Variants in ZNF713 observed in about 807,000 individuals in gnomAD.
ZNF713 encodes zinc finger protein 713.
Under a neutral mutation model 28.7 loss-of-function variants are expected in ZNF713, and 21 were observed. The ratio of observed to expected loss-of-function variants is 0.73; its 90% confidence interval spans 0.52 to 1.05. The LOEUF (loss-of-function observed/expected upper bound fraction) is 1.05. Ranked by LOEUF, ZNF713 falls within the 50% of genes least tolerant of loss-of-function variation. The pLI, the probability that ZNF713 is intolerant of heterozygous loss-of-function variation, is 0.00. For missense variants in ZNF713, 458 were observed against 532.4 expected (o/e 0.86, Z 1.37); for synonymous variants, 167 against 178.0 (o/e 0.94, Z 0.49).
In ZNF713 at chr7:55,919,516, T is replaced by TTTG. The variant is rs1785950889; in HGVS notation, c.88-3644_88-3643insGTT. On this transcript the variant is annotated intron_variant, in intron 4 of 6. Coordinates refer to ENST00000429591, the MANE Select transcript of ZNF713 (RefSeq NM_182633.3). ...TTTTTTTTTTTTTTTTTTTTTTTTT[T>TTTG]TTTTTTTGAGATGAAGTCTTGCTCT... 1.3e-4 allele frequency among the ~76,000 whole-genome samples: 13 copies of TTTG among 99,380 alleles called. 1 individual carries two copies. The highest frequency in any genetic ancestry group is 2.0e-4 in the Non-Finnish European group (10 of 50,446). The allele number at this position is 99,380 out of a possible 152,430, so 65.2% of individuals were successfully genotyped here. A position where few individuals can be genotyped will look rare whatever the true frequency, so the allele number is the denominator to read the frequency against.
chr7:55,918,052 C>G (rs1562742938), intron 4 of ZNF713: 1 of 456,698 alleles, frequency 2.2e-6, no homozygotes, highest in Admixed American at 2.3e-5. Context: ...ATGTGGAGAT[C>G]TGTGTGCTCT....
chr7:55,895,546 G>C (rs773889956), intron 1 of ZNF713, among the ~76,000 whole-genome samples: 2 of 127,846 alleles, frequency 1.6e-5, no homozygotes, highest in Non-Finnish European at 3.1e-5. Flanking sequence ...TCGGCTCACT[G>C]TAACCTCCAT....
At chr7:55,893,902 T>C (rs1023572125) in intron 1 of ZNF713, among the ~76,000 whole-genome samples, 1 of 152,188 alleles carries the variant, frequency 6.6e-6, no homozygotes, top group Admixed American at 6.5e-5. Flanking sequence ...TTCTATGACC[T>C]GCCTTGGGGA....
chr7:55,937,690 G>A (rs768778222), intron 6 of ZNF713, among the ~76,000 whole-genome samples: 7 of 151,850 alleles, frequency 4.6e-5, no homozygotes, highest in Non-Finnish European at 8.8e-5. Flanking sequence ...ATTGCTTCAG[G>A]CCAAGAGTTC....
At chr7:55,914,015 G>A (rs1785835493) in intron 4 of ZNF713, among the ~76,000 whole-genome samples, 1 of 151,550 alleles carries the variant, frequency 6.6e-6, no homozygotes, top group Non-Finnish European at 1.5e-5. Context: ...GGAGGCTAAG[G>A]CAGGAGAACC....
In ZNF713 at chr7:55,939,827, C is replaced by T; in HGVS notation, c.1153C>T (p.Leu385=). ...CAAAGCCTTCAGTCAGAGGACACAT[C>T]TGAATCAACATGAAAGAACTCATAC... is the stretch of plus-strand genomic sequence containing the variant. ...CGKAFSQRTH[L]NQHERTHTGE... is the part of the protein sequence containing the mutation. The change falls in exon 7 of 7, where the codon CTG becomes TTG. Residue 385 remains leucine, a synonymous_variant. Transcript: ENST00000429591. 6.2e-7 allele frequency: 1 copy of T among 1,614,142 alleles called. No homozygotes were observed.
chr7:55,932,046 C>T (rs1049844010), intron 6 of ZNF713, among the ~76,000 whole-genome samples: 1 of 152,138 alleles, frequency 6.6e-6, no homozygotes, highest in Non-Finnish European at 1.5e-5. Flanking sequence ...GAAAGTGTTC[C>T]AGTTGATAGT....
At position 55,896,834 on chromosome 7, in the gene ZNF713, G is replaced by C. The variant is rs534519767; in HGVS notation, c.-583+9154G>C. 2.6e-5 allele frequency among the ~76,000 whole-genome samples: 4 copies of C among 152,126 alleles called. No individual in the cohort carries two copies. The South Asian group carries it at 8.3e-4, about 32-fold the overall frequency. ...TGGAGAAACGGTTGATTCCAGGGCTGGGCAGGAAAAATGCTAGAGCCTGAA... is the reference window on the plus strand; with the variant it reads ...TGGAGAAACGGTTGATTCCAGGGCTCGGCAGGAAAAATGCTAGAGCCTGAA... On this transcript the variant is annotated intron_variant, in intron 1 of 6. Coordinates refer to ENST00000429591, the MANE Select transcript of ZNF713 (RefSeq NM_182633.3).
chr7:55,887,887 G>GA (rs1269519268), intron 1 of ZNF713, among the ~76,000 whole-genome samples: 1,401 of 108,614 alleles, frequency 0.013, 396 homozygotes, highest in African/African-American at 0.048. Flanking sequence ...CGGCGGCGGC[G>GA]GGCGGCGGCG....
intron 1 of ZNF713, among the ~76,000 whole-genome samples, chr7:55,898,880 T>G (rs1394538831): frequency 1.3e-5 from 2 of 152,170 alleles, no homozygotes; most frequent in African/African-American, 2.4e-5. Flanking sequence ...CTGATCTTGA[T>G]GGATATGCAG....
intron 4 of ZNF713, among the ~76,000 whole-genome samples, chr7:55,919,498 T>TG (rs71015125): frequency 0.26 from 15,215 of 59,146 alleles, 1,564 homozygotes; most frequent in Middle Eastern, 0.36. Flanking sequence ...CAGTTTTTTT[T>TG]TTTTTTTTTT....
intron 1 of ZNF713, among the ~76,000 whole-genome samples, chr7:55,893,862 G>A (rs765937705): frequency 6.6e-6 from 1 of 152,148 alleles, no homozygotes; most frequent in Non-Finnish European, 1.5e-5. Context: ...TTACAGGCAT[G>A]AGCCACCACA....
intron 1 of ZNF713, among the ~76,000 whole-genome samples, chr7:55,889,452 G>GT (rs1223466840): frequency 2.0e-5 from 3 of 152,196 alleles, no homozygotes; most frequent in African/African-American, 7.2e-5. Context: ...ATACAGAAAA[G>GT]TTTAAAAAAA....
chr7:55,933,275 A>G (rs957260855), intron 6 of ZNF713, among the ~76,000 whole-genome samples: 3 of 152,088 alleles, frequency 2.0e-5, no homozygotes, highest in Non-Finnish European at 4.4e-5. Flanking sequence ...ATAAGGTCTT[A>G]AGGCCTACTT....
chr7:55,901,794 T>A (rs1785582944), intron 1 of ZNF713, among the ~76,000 whole-genome samples: 1 of 152,244 alleles, frequency 6.6e-6, no homozygotes, highest in Admixed American at 6.5e-5. Flanking sequence ...ACGTGTATGA[T>A]TTCACTGCAG....
intron 1 of ZNF713, among the ~76,000 whole-genome samples, chr7:55,892,364 T>C (rs542069059): frequency 6.8e-6 from 1 of 147,212 alleles, no homozygotes; most frequent in Admixed American, 6.8e-5. Flanking sequence ...GGAAGCTCAC[T>C]CAAGCTTGGT....
At chr7:55,932,667 G>C (rs1349103011) in intron 6 of ZNF713, among the ~76,000 whole-genome samples, 1 of 148,592 alleles carries the variant, frequency 6.7e-6, no homozygotes, top group Admixed American at 6.7e-5. Context: ...GGTGGATCAT[G>C]AGGTCAGGAG....
chr7:55,910,711 G>C (rs532546067), intron 2 of ZNF713, among the ~76,000 whole-genome samples: 82 of 152,184 alleles, frequency 5.4e-4, no homozygotes, highest in African/African-American at 1.9e-3. Flanking sequence ...GCCCTAGCTG[G>C]TCTCAAACTC....
rs1381678920 is a variant in ZNF713 at position 55,941,864 on chromosome 7, A to T, written c.*1858A>T. 1 of 152,074 alleles carries T rather than the reference A, an allele frequency of 6.6e-6. No individual in the cohort carries two copies. Among genetic ancestry groups the T allele is most frequent in the African/African-American group, 2.4e-5 (1 of 41,426 alleles). 9.4% of individuals were successfully genotyped at this position (152,074 alleles called of 1,614,324 possible). ...TTTTTGCAATCTTGACATTATTTTC[A>T]TCAAATGAATCCTAGGATCACTTTG... On this transcript the variant is annotated 3_prime_UTR_variant, in exon 7 of 7. Transcript: ENST00000429591.
Sources: allele counts gnomAD v4.1 joint callset (sites outside exome capture counted in the v4.1 genomes callset), GRCh38; gene constraint gnomAD v4.1.1; transcripts MANE v1.5; gene names NCBI Gene and HGNC (gene_info 2026-07-23, HGNC 2026-07-21).